The following ADGB variants were observed in gnomAD, a reference collection of about 807,000 sequenced individuals.
The protein encoded by ADGB is androglobin.
Under a neutral mutation model 210.5 loss-of-function variants are expected in ADGB, and 172 were observed. That is an observed-to-expected ratio of 0.82 (90% CI 0.72 to 0.93). ADGB has a LOEUF of 0.93. Ranked by LOEUF, ADGB falls within the 40% of genes least tolerant of loss-of-function variation. The pLI, the probability that ADGB is intolerant of heterozygous loss-of-function variation, is 0.00. For missense variants in ADGB, 2,025 were observed against 1,964.8 expected (o/e 1.03, Z -0.58); for synonymous variants, 658 against 662.7 (o/e 0.99, Z 0.11).
chr6:146,748,136 T>G (rs1777268860), intron 26 of ADGB, among the ~76,000 whole-genome samples: 1 of 151,980 alleles, frequency 6.6e-6, no homozygotes, highest in African/African-American at 2.4e-5. Context: ...TATTTTAAAA[T>G]TATATTTAAT....
intron 27 of ADGB, among the ~76,000 whole-genome samples, chr6:146,759,695 T>G (rs1200496872): frequency 6.6e-6 from 1 of 151,840 alleles, no homozygotes; most frequent in Non-Finnish European, 1.5e-5. Context: ...GGTCAATGAA[T>G]GGGTGCATGC....
chr6:146,711,540 T>C (rs55960514), intron 13 of ADGB, among the ~76,000 whole-genome samples: 19,039 of 152,182 alleles, frequency 0.13, 1,501 homozygotes, highest in East Asian at 0.28. Flanking sequence ...CATCTTCCAG[T>C]ACTTCCTAAG....
chr6:146,780,561 C>A (rs983700729), intron 29 of ADGB, among the ~76,000 whole-genome samples: 5 of 151,752 alleles, frequency 3.3e-5, no homozygotes, highest in Admixed American at 2.0e-4. Flanking sequence ...TAATACCAGA[C>A]AAAATAGGGT....
intron 25 of ADGB, among the ~76,000 whole-genome samples, chr6:146,742,413 A>C (rs1234121690): frequency 6.6e-6 from 1 of 151,920 alleles, no homozygotes; most frequent in African/African-American, 2.4e-5. Context: ...ATTGTAACTT[A>C]AGCTTAAATT....
chr6:146,710,446 T>C (rs1044999550), intron 13 of ADGB, among the ~76,000 whole-genome samples: 1 of 152,102 alleles, frequency 6.6e-6, no homozygotes, highest in African/African-American at 2.4e-5. Flanking sequence ...TTCTAAATTA[T>C]AACAATAGAT....
At chr6:146,732,397 G>C (rs1777000640) in intron 20 of ADGB, among the ~76,000 whole-genome samples, 1 of 152,054 alleles carries the variant, frequency 6.6e-6, no homozygotes, top group South Asian at 2.1e-4. Flanking sequence ...TCAAAGACCA[G>C]AGTCAGTTTC....
At chr6:146,753,006 A>T (rs1234283851) in intron 27 of ADGB, among the ~76,000 whole-genome samples, 3 of 152,074 alleles carry the variant, frequency 2.0e-5, no homozygotes, top group African/African-American at 7.2e-5. Context: ...TTACTTTTTT[A>T]AATTCGTAAT....
rs1777542196 is a variant in ADGB at position 146,764,199 on chromosome 6, G to T, written c.3750+99G>T. 1.4e-5 allele frequency: 14 copies of T among 1,032,046 alleles called. No individual in the cohort carries two copies. The South Asian group carries it at 2.6e-4, about 19-fold the overall frequency. 63.9% of individuals were successfully genotyped at this position (1,032,046 alleles called of 1,614,324 possible). Reference sequence around the variant, plus strand: ...AAATAGTCAATATACAGTGTGCAGTGCTGCCAATGTATAGCCAGAATTGGA... The same window carrying T: ...AAATAGTCAATATACAGTGTGCAGTTCTGCCAATGTATAGCCAGAATTGGA... On this transcript the variant is annotated intron_variant, in intron 28 of 35. Coordinates refer to ENST00000397944, the MANE Select transcript of ADGB (RefSeq NM_024694.4).
chr6:146,721,413 A>G lies in ADGB; in HGVS notation c.2003A>G (p.Glu668Gly), dbSNP rs1316976688. 4 of 1,547,160 alleles carry G rather than the reference A, an allele frequency of 2.6e-6. No individual in the cohort carries two copies. The highest frequency in any genetic ancestry group is 3.5e-6 in the Non-Finnish European group (4 of 1,142,970). Residue 668 changes from glutamate to glycine, a missense_variant, in exon 17 of 36, where the codon GAA (glutamate) becomes GGA (glycine). Transcript: ENST00000397944. Reference protein sequence around the residue: ...FQKSEFKFSEERVSYYLFVDS... With the variant: ...FQKSEFKFSEGRVSYYLFVDS... The stretch of plus-strand genomic sequence containing the variant: ...TCTAATTTCTTGCAGTTCTCAGAAG[A>G]ACGAGTGTCCTACTATCTATTTGTA...
chr6:146,813,782 C>A (rs1172252249), intron 35 of ADGB, among the ~76,000 whole-genome samples: 1 of 152,120 alleles, frequency 6.6e-6, no homozygotes, highest in African/African-American at 2.4e-5. Context: ...GTGTAATAAC[C>A]AAGTAAATGC....
At chr6:146,695,372 A>C (rs951149912) in intron 12 of ADGB, among the ~76,000 whole-genome samples, 3 of 152,144 alleles carry the variant, frequency 2.0e-5, no homozygotes, top group Non-Finnish European at 4.4e-5. Flanking sequence ...TATAATAAAG[A>C]CATTAACAGT....
At chr6:146,738,412 TGAATCCCATTC>T (rs897566013) in intron 23 of ADGB, among the ~76,000 whole-genome samples, 4 of 150,004 alleles carry the variant, frequency 2.7e-5, no homozygotes, top group Admixed American at 1.3e-4. Context: ...GTCTTAAGAT[TGAATCCCATTC>T]GAATCCCATT....
rs139104643 is a variant in ADGB, at chr6:146,802,721, C to T, written c.4818+710C>T. On this transcript the variant is annotated intron_variant, in intron 35 of 35. Coordinates refer to ENST00000397944, the MANE Select transcript of ADGB (RefSeq NM_024694.4). ...TCTTCCACAGTTCACAGTTCTCAGA[C>T]GAGACTTTTTTTGTAAATTACACAG... is the stretch of plus-strand genomic sequence containing the variant. 6,174 of 1,391,588 alleles carry T rather than the reference C, an allele frequency of 4.4e-3. 215 individuals are homozygous for T. In the African/African-American group the frequency reaches 0.079, roughly 18 times the overall value. 86.2% of individuals were successfully genotyped at this position (1,391,588 alleles called of 1,614,324 possible).
In ADGB at chr6:146,691,276, C is replaced by A; in HGVS notation, c.1472C>A (p.Thr491Lys). 6.5e-7 allele frequency: 1 copy of A among 1,545,522 alleles called. No individual in the cohort carries two copies. Among genetic ancestry groups the A allele is most frequent in the Non-Finnish European group, 8.7e-7 (1 of 1,145,692 alleles). ...CGTCAAAAAAAGGAAACTGTTATAA[C>A]AGATGAAGCTCAAGGTATGTATCAC... ...LIRQKKETVI[T>K]DEAQELIVKK... The change falls in exon 11 of 36, where the codon ACA becomes AAA. Residue 491 changes from threonine to lysine, a missense_variant. Transcript: ENST00000397944.
intron 35 of ADGB, among the ~76,000 whole-genome samples, chr6:146,808,090 C>G (rs997346359): frequency 6.8e-6 from 1 of 146,972 alleles, no homozygotes; most frequent in Non-Finnish European, 1.5e-5. Flanking sequence ...ACCTCTGCCT[C>G]CCAGGTTCAA....
In ADGB at chr6:146,775,084, TA is replaced by T. The variant is rs1777702708; in HGVS notation, c.3862+5957del. Among the ~76,000 whole-genome samples the T allele has an allele frequency of 2.0e-5, 3 of 152,270 alleles. No individual in the cohort carries two copies. The South Asian group carries it at 6.2e-4, about 32-fold the overall frequency. ...CCACCATGCTCAGCCAGCTTACTTT[TA>T]AAATATAAAATTTTATATCAAGAAG... On this transcript the variant is annotated intron_variant, in intron 29 of 35. Coordinates refer to ENST00000397944, the MANE Select transcript of ADGB (RefSeq NM_024694.4).
chr6:146,640,782 A>C (rs1300444967), intron 2 of ADGB, among the ~76,000 whole-genome samples: 1 of 152,060 alleles, frequency 6.6e-6, no homozygotes. Flanking sequence ...AGAACCATCT[A>C]TGATAAACTC....
Position 146,733,881 on chromosome 6 carries a change from T to A in ADGB, c.2657-12T>A, listed in dbSNP as rs1777039922. On this transcript the variant is annotated splice_polypyrimidine_tract_variant and intron_variant, in intron 21 of 35. Coordinates refer to ENST00000397944, the MANE Select transcript of ADGB (RefSeq NM_024694.4). ...ATAACTTTCAGTCCAAAGTTTGTTT[T>A]TCCCTTTCCAGTGGAATGGCTGGAC... is the stretch of plus-strand genomic sequence containing the variant. 8 of 1,551,386 alleles carry A rather than the reference T, an allele frequency of 5.2e-6. No individual in the cohort carries two copies. The highest frequency in any genetic ancestry group is 7.0e-6 in the Non-Finnish European group (8 of 1,146,870).
intron 20 of ADGB, among the ~76,000 whole-genome samples, chr6:146,730,972 TGAGA>T (rs1173295212): frequency 7.3e-5 from 11 of 151,282 alleles, no homozygotes; most frequent in African/African-American, 2.4e-4. Flanking sequence ...CATACATTTC[TGAGA>T]GAGAGAGAGA....
Sources: gnomAD v4.1 joint callset for allele counts (sites outside exome capture counted in the v4.1 genomes callset) on GRCh38, gnomAD v4.1.1 for gene constraint, MANE v1.5 for transcripts, NCBI Gene and HGNC (gene_info 2026-07-23, HGNC 2026-07-21) for gene names.